ZBTB10: variants seen among roughly 807,000 people sequenced by gnomAD.
The protein encoded by ZBTB10 is zinc finger and BTB domain containing 10.
ZBTB10 carries 32 observed loss-of-function variants against 76.4 expected under a neutral mutation model. That is an observed-to-expected ratio of 0.42 (90% confidence interval 0.32 to 0.56). The LOEUF is 0.56. Ranked by LOEUF, ZBTB10 falls within the 20% of genes least tolerant of loss-of-function variation. ZBTB10 has a pLI of 0.14. For missense variants in ZBTB10, 1,057 were observed against 1,098.5 expected (o/e 0.96, Z 0.53); for synonymous variants, 523 against 432.9 (o/e 1.21, Z -2.58).
At chr8:80,486,014 C>T, upstream of ZBTB10, 1 of 982,326 alleles carries the variant, frequency 1.0e-6, no homozygotes, top group Non-Finnish European at 1.4e-6. Flanking sequence ...GGCCTTTTGT[C>T]CCCAACCCCT....
At chr8:80,506,222 C>A (rs1816048602) in intron 2 of ZBTB10, among the ~76,000 whole-genome samples, 1 of 152,012 alleles carries the variant, frequency 6.6e-6, no homozygotes, top group Non-Finnish European at 1.5e-5. Context: ...TTCTGAGGAC[C>A]CAAAGCTTTT....
chr8:80,492,977 GC>G (rs763814839), intron 1 of ZBTB10, among the ~76,000 whole-genome samples: 16 of 151,836 alleles, frequency 1.1e-4, no homozygotes, highest in Non-Finnish European at 1.6e-4. Flanking sequence ...ACTTTGGGAG[GC>G]CGAGGTGGGT....
chr8:80,500,277 T>C lies in ZBTB10; in HGVS notation c.1756T>C (p.Tyr586His). The change falls in exon 2 of 6, where the codon TAT becomes CAT. Residue 586 changes from tyrosine to histidine, a missense_variant. Physicochemically the swap from Tyr to His is moderately conservative, Grantham distance 83. Around this residue, in one of 5 missense-constraint regions of ZBTB10, gnomAD observed 306 missense variants for 297.5 expected, o/e 1.03. Coordinates refer to ENST00000455036, the MANE Select transcript of ZBTB10 (RefSeq NM_001105539.3). Reference protein sequence around the residue: ...RKNQTTKRFIYNIPPNNETNL... With the variant: ...RKNQTTKRFIHNIPPNNETNL... ...AAACCAAACTACAAAAAGATTTATT[T>C]ATAATATTCCACCTAATAATGAAAC... The C allele has an allele frequency of 6.3e-7, 1 of 1,575,412 alleles. No homozygotes were observed. The highest frequency in any genetic ancestry group is 8.6e-7 in the Non-Finnish European group (1 of 1,159,942).
intron 2 of ZBTB10, among the ~76,000 whole-genome samples, chr8:80,504,858 A>G (rs1414184264): frequency 6.6e-6 from 1 of 152,234 alleles, no homozygotes; most frequent in African/African-American, 2.4e-5. Context: ...TGAATTACAG[A>G]AGTACAGATA....
Position 80,486,472 on chromosome 8 carries a change from T to G in ZBTB10, c.-339T>G. ...GTCTCCCCGCACTCCGCTGCTCAAC[T>G]TCGAAGGCCTCGCTCGCTGCAGGCT... is the stretch of plus-strand genomic sequence containing the variant. On this transcript the variant is annotated 5_prime_UTR_variant, in exon 1 of 6. Coordinates refer to ENST00000455036, the MANE Select transcript of ZBTB10 (RefSeq NM_001105539.3). 6.1e-6 allele frequency: 6 copies of G among 985,058 alleles called. No homozygotes were observed. The highest frequency in any genetic ancestry group is 7.2e-6 in the Non-Finnish European group (6 of 829,930). 61.0% of individuals were successfully genotyped at this position (985,058 alleles called of 1,614,324 possible).
chr8:80,499,587 G>T lies in ZBTB10; in HGVS notation c.1066G>T (p.Glu356Ter). 6.2e-7 allele frequency: 1 copy of T among 1,613,888 alleles called. No homozygotes were observed. Among genetic ancestry groups the T allele is most frequent in the South Asian group, 1.1e-5 (1 of 91,062 alleles). The change falls in exon 2 of 6, where the codon GAA (glutamate) becomes TAA (stop). Residue 356 changes from glutamate (E) to a stop codon, truncating the protein, a stop_gained. Coordinates refer to ENST00000455036, the MANE Select transcript of ZBTB10 (RefSeq NM_001105539.3). LOFTEE classifies it high-confidence loss of function. Reference sequence around the variant, plus strand: ...CTATCAACTTCTGCGACAACTAAATGAACAGAGAAAGAAAGGTATTCTTTG... The same window carrying T: ...CTATCAACTTCTGCGACAACTAAATTAACAGAGAAAGAAAGGTATTCTTTG... ...YCYQLLRQLN[E>*]QRKKGILCDV...
chr8:80,487,512 C>T lies in ZBTB10; in HGVS notation c.702C>T (p.Phe234=), dbSNP rs370462446. The change falls in exon 1 of 6, where the codon TTC becomes TTT. Residue 234 remains phenylalanine, a synonymous_variant. Transcript: ENST00000455036. ...GCGAAGGAGAGACTGTCCAGCACTT[C>T]CCGCTCGCGCGGCCCAAGTCTCTAA... ...GAGEGETVQH[F]PLARPKSLMQ... is the part of the protein sequence containing the mutation. 1,599 of 1,561,884 alleles carry T rather than the reference C, an allele frequency of 1.0e-3. 1 individual carries two copies. The highest frequency in any genetic ancestry group is 1.2e-3 in the Non-Finnish European group (1,366 of 1,152,786).
At chr8:80,503,529 T>C (rs1209485917) in intron 2 of ZBTB10, among the ~76,000 whole-genome samples, 1 of 145,760 alleles carries the variant, frequency 6.9e-6, no homozygotes, top group Admixed American at 6.8e-5. Context: ...TTATTTATGT[T>C]TTTTGAGAGA....
At chr8:80,504,550 A>G (rs973760050) in intron 2 of ZBTB10, among the ~76,000 whole-genome samples, 3 of 152,060 alleles carry the variant, frequency 2.0e-5, no homozygotes, top group Admixed American at 6.5e-5. Flanking sequence ...CTCACTACAG[A>G]GTCATATTTG....
chr8:80,509,164 A>C (rs1206836181), intron 2 of ZBTB10, among the ~76,000 whole-genome samples: 2 of 152,202 alleles, frequency 1.3e-5, no homozygotes, highest in Admixed American at 6.5e-5. Context: ...CTCTCCACTG[A>C]AAGGAGAAAA....
intron 1 of ZBTB10, 25 bp from the exon 2 acceptor site, chr8:80,499,469 A>G (rs779461125): frequency 2.0e-6 from 3 of 1,534,104 alleles, no homozygotes; most frequent in Non-Finnish European, 2.6e-6. Flanking sequence ...AAAGTTTAAT[A>G]TTAATGTTTT....
At position 80,487,233 on chromosome 8, in the gene ZBTB10, C is replaced by T. The variant is rs373232110; in HGVS notation, c.423C>T (p.Gly141=). ...GGLGNNGSSR[G]RPETSVWPLR... ...TCGGCAACAATGGCAGTAGCCGCGG[C>T]CGCCCCGAGACCTCGGTGTGGCCCT... The change falls in exon 1 of 6, where the codon GGC becomes GGT. Residue 141 remains glycine (G), a synonymous_variant. Transcript: ENST00000455036. 1.4e-4 allele frequency: 221 copies of T among 1,547,290 alleles called. No homozygotes were observed. In the African/African-American group the frequency reaches 2.7e-3, roughly 19 times the overall value.
In ZBTB10 at chr8:80,486,801, G is replaced by GGCGGC; in HGVS notation, c.-7_-6insGCGCG. Reference sequence around the variant, plus strand: ...CGGGGCACCGGGCGGCGGCGGCGGCGGCGCGCGCCATGTCGTTCAGTGAAA... The same window carrying GGCGGC: ...CGGGGCACCGGGCGGCGGCGGCGGCGGCGGCGCGCGCGCCATGTCGTTCAGTGAAA... On this transcript the variant is annotated 5_prime_UTR_variant, in exon 1 of 6. Coordinates refer to ENST00000455036, the MANE Select transcript of ZBTB10 (RefSeq NM_001105539.3). 1 of 1,413,124 alleles carries GGCGGC rather than the reference G, an allele frequency of 7.1e-7. No homozygotes were observed. Among genetic ancestry groups the GGCGGC allele is most frequent in the Non-Finnish European group, 9.2e-7 (1 of 1,088,254 alleles). 87.5% of individuals were successfully genotyped at this position (1,413,124 alleles called of 1,614,324 possible).
At chr8:80,505,774 A>G (rs1816033789) in intron 2 of ZBTB10, among the ~76,000 whole-genome samples, 1 of 152,114 alleles carries the variant, frequency 6.6e-6, no homozygotes, top group Non-Finnish European at 1.5e-5. Flanking sequence ...TCTGTCACCC[A>G]GGCGGAGTGC....
chr8:80,485,627 T>C, upstream of ZBTB10: 1 of 563,088 alleles, frequency 1.8e-6, no homozygotes, highest in African/African-American at 2.0e-5. Context: ...GTGAAATGAC[T>C]ACTGTCCGGG....
chr8:80,518,229 G>A (rs1300773502), intron 3 of ZBTB10, among the ~76,000 whole-genome samples, 174 bp from the exon 4 acceptor site: 1 of 151,842 alleles, frequency 6.6e-6, no homozygotes. Flanking sequence ...GTTTAATTGT[G>A]ATAATAAAGT....
chr8:80,497,017 C>T (rs1366113874), intron 1 of ZBTB10, among the ~76,000 whole-genome samples: 1 of 152,116 alleles, frequency 6.6e-6, no homozygotes. Context: ...TTTGTAATTT[C>T]TATAGAGAGC....
At chr8:80,489,331 T>A (rs184588592) in intron 1 of ZBTB10, among the ~76,000 whole-genome samples, 1 of 152,236 alleles carries the variant, frequency 6.6e-6, no homozygotes, top group Non-Finnish European at 1.5e-5. Context: ...AGAAGAGGAA[T>A]CTAAAGCCTT....
Position 80,518,484 on chromosome 8 carries a change from A to T in ZBTB10, c.2042A>T (p.Asn681Ile). 1 of 1,553,446 alleles carries T rather than the reference A, an allele frequency of 6.4e-7. No homozygotes were observed. The highest frequency in any genetic ancestry group is 1.2e-5 in the South Asian group (1 of 84,200). ...TATGGATTGATACCAGGTACTTCAA[A>T]TGATTTCAAGTATGGATTGATACCA... ...FKYGLIPGTS[N>I]DFKYGLIPGA... Residue 681 changes from asparagine to isoleucine, a missense_variant, in exon 4 of 6, where the codon AAT becomes ATT. Physicochemically the swap from Asn to Ile is moderately radical, Grantham distance 149. Around this residue, in one of 5 missense-constraint regions of ZBTB10, gnomAD observed 306 missense variants for 297.5 expected, o/e 1.03. Transcript: ENST00000455036.
Sources: gnomAD v4.1 joint callset for allele counts (sites outside exome capture counted in the v4.1 genomes callset) on GRCh38, gnomAD v4.1.1 for gene constraint, gnomAD v4.1.1 regional missense constraint, MANE v1.5 for transcripts, NCBI Gene and HGNC (gene_info 2026-07-23, HGNC 2026-07-21) for gene names.